The following ADAM7 variants were observed in gnomAD, a reference collection of about 807,000 sequenced individuals.
ADAM7 encodes the protein disintegrin and metalloproteinase domain-containing protein 7.
Under a neutral mutation model 102.9 loss-of-function variants are expected in ADAM7, and 97 were observed. That is an observed-to-expected ratio of 0.94 (90% CI 0.80 to 1.12). The LOEUF (loss-of-function observed/expected upper bound fraction) is 1.12. Ranked by LOEUF, ADAM7 falls within the 50% of genes most tolerant of loss-of-function variation. ADAM7 has a pLI of 0.00. For synonymous variants in ADAM7, 334 were observed against 304.4 expected (o/e 1.10, Z -1.01); for missense variants, 991 against 908.7 (o/e 1.09, Z -1.16).
chr8:24,446,696 T>C (rs2129372882), intron 2 of ADAM7, among the ~76,000 whole-genome samples: 1 of 151,972 alleles, frequency 6.6e-6, no homozygotes, highest in East Asian at 1.9e-4. Context: ...AAACAGTATG[T>C]ATAAAAATCG....
chr8:24,459,127 A>T (rs1165977006), intron 3 of ADAM7, among the ~76,000 whole-genome samples: 3 of 151,948 alleles, frequency 2.0e-5, no homozygotes, highest in Admixed American at 6.6e-5. Flanking sequence ...AGGAAACTGC[A>T]TGTGCCTTGA....
At chr8:24,455,450 T>G (rs890153800) in intron 3 of ADAM7, among the ~76,000 whole-genome samples, 7 of 152,228 alleles carry the variant, frequency 4.6e-5, no homozygotes, top group Non-Finnish European at 8.8e-5. Context: ...TCACCCAGGC[T>G]AGAGTGCAGT....
intron 3 of ADAM7, among the ~76,000 whole-genome samples, chr8:24,459,047 G>A (rs1290875801): frequency 6.6e-6 from 1 of 151,896 alleles, no homozygotes; most frequent in East Asian, 1.9e-4. Context: ...TTGTGCTTCT[G>A]AGTTGGGAAA....
rs1055079581 is a variant in ADAM7 at position 24,476,569 on chromosome 8, T to C, written c.705+65T>C. On this transcript the variant is annotated intron_variant, in intron 8 of 21. Coordinates refer to ENST00000175238, the MANE Select transcript of ADAM7 (RefSeq NM_003817.4). ...GAATGCAAAGAACCTTTCAGCGCAGTTCTCTGCTGGACTATTGTAGTTACC... is the reference window on the plus strand; with the variant it reads ...GAATGCAAAGAACCTTTCAGCGCAGCTCTCTGCTGGACTATTGTAGTTACC... 12 of 1,327,546 alleles carry C rather than the reference T, an allele frequency of 9.0e-6. No homozygotes were observed. In the African/African-American group the frequency reaches 1.7e-4, roughly 19 times the overall value. 82.2% of individuals were successfully genotyped at this position (1,327,546 alleles called of 1,614,324 possible).
chr8:24,465,436 G>A (rs953037355), intron 4 of ADAM7, among the ~76,000 whole-genome samples: 2 of 152,042 alleles, frequency 1.3e-5, no homozygotes, highest in Admixed American at 6.6e-5. Context: ...AACTACTGTC[G>A]TCATTAACAG....
Position 24,452,328 on chromosome 8 carries a change from G to A in ADAM7, c.233+5066G>A, listed in dbSNP as rs868480374. ...CTCAGGACTTGCTTTACGAATCTGG[G>A]TGCTCCTGTATTGGGTGCATATATA... On this transcript the variant is annotated intron_variant, in intron 3 of 21. Transcript: ENST00000175238. 2.3e-4 allele frequency among the ~76,000 whole-genome samples: 35 copies of A among 149,688 alleles called. 1 individual carries two copies. The South Asian group carries it at 4.6e-3, about 20-fold the overall frequency.
intron 16 of ADAM7, among the ~76,000 whole-genome samples, chr8:24,497,571 A>C (rs144721571): frequency 1.3e-3 from 195 of 152,278 alleles, no homozygotes; most frequent in African/African-American, 4.4e-3. Flanking sequence ...GAAAATAAAT[A>C]AAACCAGGAA....
intron 10 of ADAM7, among the ~76,000 whole-genome samples, chr8:24,486,547 C>A (rs1774383945): frequency 1.3e-5 from 2 of 151,936 alleles, no homozygotes; most frequent in South Asian, 4.1e-4. Context: ...ATTCTAGCTG[C>A]TGTAACAAAA....
chr8:24,462,089 A>G (rs994696661), intron 3 of ADAM7, among the ~76,000 whole-genome samples: 1 of 152,198 alleles, frequency 6.6e-6, no homozygotes, highest in Non-Finnish European at 1.5e-5. Context: ...ATGGACTCCA[A>G]ATTCTGTTAC....
chr8:24,489,965 G>C (rs1820284489), intron 12 of ADAM7, among the ~76,000 whole-genome samples: 1 of 152,142 alleles, frequency 6.6e-6, no homozygotes, highest in African/African-American at 2.4e-5. Flanking sequence ...ATCACCAGGG[G>C]ACATTGTTAA....
At chr8:24,489,106 A>C in intron 11 of ADAM7, 53 bp from the exon 12 acceptor site, 1 of 1,497,126 alleles carries the variant, frequency 6.7e-7, no homozygotes, top group Non-Finnish European at 9.0e-7. Context: ...CAGCCACTGT[A>C]CCACTATGCA....
intron 3 of ADAM7, among the ~76,000 whole-genome samples, chr8:24,452,184 A>G (rs1402229655): frequency 3.5e-4 from 50 of 143,480 alleles, no homozygotes; most frequent in South Asian, 1.1e-3. Context: ...TGCAGAGCTG[A>G]GTTCAATTCC....
In ADAM7 at chr8:24,492,501, T is replaced by C; in HGVS notation, c.1559T>C (p.Ile520Thr). 1 of 1,606,304 alleles carries C rather than the reference T, an allele frequency of 6.2e-7. No homozygotes were observed. Among genetic ancestry groups the C allele is most frequent in the Non-Finnish European group, 8.5e-7 (1 of 1,175,528 alleles). Residue 520 changes from isoleucine to threonine, a missense_variant, in exon 15 of 22, where the codon ATA becomes ACA. Transcript: ENST00000175238. ...QCSELFDDEA[I>T]ESHDICYKMN... The stretch of plus-strand genomic sequence containing the variant: ...ATACCATTTTTTACCCCAGAGGCAA[T>C]AGAGAGTCATGATATCTGCTACAAG...
At chr8:24,455,815 T>A (rs999561046) in intron 3 of ADAM7, among the ~76,000 whole-genome samples, 1 of 152,250 alleles carries the variant, frequency 6.6e-6, no homozygotes, top group African/African-American at 2.4e-5. Flanking sequence ...TATGTATGTA[T>A]GTATGCATGC....
At chr8:24,505,991 T>C in intron 20 of ADAM7, 1 of 884,170 alleles carries the variant, frequency 1.1e-6, no homozygotes, top group South Asian at 1.5e-5. Flanking sequence ...TAGACTCATA[T>C]GTTGTAGGAT....
chr8:24,460,658 G>T (rs1399107679), intron 3 of ADAM7, among the ~76,000 whole-genome samples: 1 of 151,624 alleles, frequency 6.6e-6, no homozygotes, highest in Non-Finnish European at 1.5e-5. Context: ...TAAAAACATT[G>T]CAATAAGTTC....
chr8:24,441,363 G>A (rs947384005), intron 1 of ADAM7, among the ~76,000 whole-genome samples: 2 of 152,212 alleles, frequency 1.3e-5, no homozygotes, highest in African/African-American at 4.8e-5. Flanking sequence ...CCACAGTGAG[G>A]AGGAGAAAGG....
chr8:24,480,103 C>T (rs116224150), intron 8 of ADAM7, among the ~76,000 whole-genome samples: 2,280 of 152,300 alleles, frequency 0.015, 60 homozygotes, highest in African/African-American at 0.052. Context: ...CTCATAGTCA[C>T]TTCTGTTTTC....
At chr8:24,459,874 T>A (rs1819177978) in intron 3 of ADAM7, among the ~76,000 whole-genome samples, 1 of 152,192 alleles carries the variant, frequency 6.6e-6, no homozygotes, top group Admixed American at 6.5e-5. Context: ...TATTTTTCTC[T>A]GGTTATAGAA....
Sources: gnomAD v4.1 joint callset for allele counts (sites outside exome capture counted in the v4.1 genomes callset) on GRCh38, gnomAD v4.1.1 for gene constraint, MANE v1.5 for transcripts, NCBI Gene and HGNC (gene_info 2026-07-23, HGNC 2026-07-21) for gene names.